Variants in SPATA31D3 observed in about 807,000 individuals in gnomAD.
The protein encoded by SPATA31D3 is SPATA31 subfamily D member 3.
For synonymous variants in SPATA31D3, 27 were observed against 107.8 expected (o/e 0.25, Z 4.65); for missense variants, 91 against 297.9 (o/e 0.31, Z 5.11).
rs1258655664 is a variant in SPATA31D3, at chr9:81,948,147, G to A, written c.*140G>A. The A allele has an allele frequency of 9.2e-6, 13 of 1,416,768 alleles. No homozygotes were observed. The highest frequency in any genetic ancestry group is 1.3e-5 in the South Asian group (1 of 77,158). 87.8% of individuals were successfully genotyped at this position (1,416,768 alleles called of 1,614,324 possible). A position where few individuals can be genotyped will look rare whatever the true frequency, so the allele number is the denominator to read the frequency against. On this transcript the variant is annotated 3_prime_UTR_variant, in exon 4 of 4. Coordinates refer to ENST00000445385, the MANE Select transcript of SPATA31D3 (RefSeq NM_207416.3). ...TTTCTCAGGGAGATTCCAAAGATGG[G>A]GTCTCTAAGTCTTGTAGACGAAGCA...
chr9:81,949,791 C>A lies in SPATA31D3; in HGVS notation c.*1784C>A. On this transcript the variant is annotated 3_prime_UTR_variant, in exon 4 of 4. Coordinates refer to ENST00000445385, the MANE Select transcript of SPATA31D3 (RefSeq NM_207416.3). ...CTGCAATGATTAGACAGATCATAGA[C>A]AAGGACAGATAGCCCCAGGAAGTTG... 7.7e-7 allele frequency: 1 copy of A among 1,304,560 alleles called. No homozygotes were observed. The highest frequency in any genetic ancestry group is 1.1e-6 in the Non-Finnish European group (1 of 904,284). 80.8% of individuals were successfully genotyped at this position (1,304,560 alleles called of 1,614,324 possible).
At position 81,947,645 on chromosome 9, in the gene SPATA31D3, T is replaced by G. The variant is rs1823910990; in HGVS notation, c.2392T>G (p.Ser798Ala). 6.3e-7 allele frequency: 1 copy of G among 1,577,652 alleles called. No homozygotes were observed. The highest frequency in any genetic ancestry group is 1.4e-5 in the African/African-American group (1 of 69,602). The stretch of plus-strand genomic sequence containing the variant: ...TTCAGAGGAGGATCTGAGGTCTAAC[T>G]CTGAGAGAGACCTAGGAACTCATAT... ...TSSEEDLRSN[S>A]ERDLGTHMMH... is the part of the protein sequence containing the mutation. The change falls in exon 4 of 4, where the codon TCT becomes GCT. Residue 798 changes from serine to alanine, a missense_variant. Coordinates refer to ENST00000445385, the MANE Select transcript of SPATA31D3 (RefSeq NM_207416.3).
At chr9:81,945,273 CT>C (rs769927001) in intron 3 of SPATA31D3, 41 bp downstream of exon 3, 81 of 92,142 alleles carry the variant, frequency 8.8e-4, no homozygotes, top group Non-Finnish European at 1.2e-3. Context: ...CCACCGCCTT[CT>C]TTTTTTTTTT....
At chr9:81,945,411 G>A (rs1823881611) in intron 3 of SPATA31D3, 136 bp from the exon 4 acceptor site, 3 of 247,728 alleles carry the variant, frequency 1.2e-5, no homozygotes, top group Admixed American at 1.7e-4. Context: ...ATGCTTTGAG[G>A]AGAGGCTATA....
rs1294703957 is a variant in SPATA31D3 at position 81,949,341 on chromosome 9, T to C, written c.*1334T>C. ...CCCCAACCTTGAAAACACAGCCTCC[T>C]CCTGAAAACCTTTTCGGAACATTGA... On this transcript the variant is annotated 3_prime_UTR_variant, in exon 4 of 4. Transcript: ENST00000445385. The C allele has an allele frequency of 5.5e-6, 2 of 362,972 alleles. No individual in the cohort carries two copies. Among genetic ancestry groups the C allele is most frequent in the Middle Eastern group, 3.7e-4 (1 of 2,708 alleles). 22.5% of individuals were successfully genotyped at this position (362,972 alleles called of 1,614,324 possible).
chr9:81,945,573 C>T lies in SPATA31D3; in HGVS notation c.320C>T (p.Pro107Leu). The T allele has an allele frequency of 7.1e-6, 1 of 140,100 alleles. No homozygotes were observed. The highest frequency in any genetic ancestry group is 1.4e-4 in the South Asian group (1 of 7,010). 8.7% of individuals were successfully genotyped at this position (140,100 alleles called of 1,614,324 possible). The change falls in exon 4 of 4, where the codon CCC (proline) becomes CTC (leucine). Residue 107 changes from proline to leucine, a missense_variant. Transcript: ENST00000445385. ...TTTGGACCTCCTGTTTCCTGCAGTC[C>T]CCTGGGCCAGCATCATGATACCACC... ...KSFGPPVSCSPLGQHHDTTLF... is the reference protein window; with the variant it reads ...KSFGPPVSCSLLGQHHDTTLF...
chr9:81,949,444 T>A lies in SPATA31D3; in HGVS notation c.*1437T>A. 1 of 400,856 alleles carries A rather than the reference T, an allele frequency of 2.5e-6. No homozygotes were observed. Among genetic ancestry groups the A allele is most frequent in the Non-Finnish European group, 4.8e-6 (1 of 206,364 alleles). 24.8% of individuals were successfully genotyped at this position (400,856 alleles called of 1,614,324 possible). A position where few individuals can be genotyped will look rare whatever the true frequency, so the allele number is the denominator to read the frequency against. ...AGAAAGTTCCTAGGAAAAGGGTAGC[T>A]CCTTGTCATCATCTGTGCAGAATAG... On this transcript the variant is annotated 3_prime_UTR_variant, in exon 4 of 4. Transcript: ENST00000445385.
rs1462600008 is a variant in SPATA31D3 at position 81,949,753 on chromosome 9, G to A, written c.*1746G>A. The stretch of plus-strand genomic sequence containing the variant: ...TTGCAGCCAACAAGCTATCTTTGTC[G>A]GCCAGAATTATCCTGCAATGATTAG... On this transcript the variant is annotated 3_prime_UTR_variant, in exon 4 of 4. Transcript: ENST00000445385. The A allele has an allele frequency of 1.9e-5, 27 of 1,403,344 alleles. No individual in the cohort carries two copies. Among genetic ancestry groups the A allele is most frequent in the Non-Finnish European group, 2.3e-5 (23 of 993,180 alleles). 86.9% of individuals were successfully genotyped at this position (1,403,344 alleles called of 1,614,324 possible).
Position 81,947,676 on chromosome 9 carries a change from A to T in SPATA31D3, c.2423A>T (p.His808Leu). ...SERDLGTHMM[H>L]LSGNDSGVRL... is the part of the protein sequence containing the mutation. ...AGAGACCTAGGAACTCATATGATGCATCTGTCAGGGAATGATTCAGGGGTG... is the reference window on the plus strand; with the variant it reads ...AGAGACCTAGGAACTCATATGATGCTTCTGTCAGGGAATGATTCAGGGGTG... The change falls in exon 4 of 4, where the codon CAT becomes CTT. Residue 808 changes from histidine (H) to leucine (L), a missense_variant. Physicochemically the swap from His to Leu is moderately conservative, Grantham distance 99 (BLOSUM62 -3). Coordinates refer to ENST00000445385, the MANE Select transcript of SPATA31D3 (RefSeq NM_207416.3). 1 of 1,587,560 alleles carries T rather than the reference A, an allele frequency of 6.3e-7. No homozygotes were observed. The highest frequency in any genetic ancestry group is 8.6e-7 in the Non-Finnish European group (1 of 1,164,192).
chr9:81,945,422 G>T, intron 3 of SPATA31D3, 125 bp from the exon 4 acceptor site: 1 of 190,924 alleles, frequency 5.2e-6, no homozygotes, highest in African/African-American at 1.1e-4. Flanking sequence ...AGAGGCTATA[G>T]TGAGGTCATA....
rs1240662310 is a variant in SPATA31D3, at chr9:81,949,671, C to T, written c.*1664C>T. On this transcript the variant is annotated 3_prime_UTR_variant, in exon 4 of 4. Transcript: ENST00000445385. ...AACTGCAGGTCAGAGCAGAGCCTGT[C>T]CAGGGCTATCCCTGCAACTACATGG... The T allele has an allele frequency of 5.3e-5, 63 of 1,177,858 alleles. No homozygotes were observed. Among genetic ancestry groups the T allele is most frequent in the Non-Finnish European group, 7.2e-5 (57 of 791,010 alleles). 73.0% of individuals were successfully genotyped at this position (1,177,858 alleles called of 1,614,324 possible).
chr9:81,949,674 G>C lies in SPATA31D3; in HGVS notation c.*1667G>C, dbSNP rs1286070298. ...TGCAGGTCAGAGCAGAGCCTGTCCA[G>C]GGCTATCCCTGCAACTACATGGCTC... is the stretch of plus-strand genomic sequence containing the variant. On this transcript the variant is annotated 3_prime_UTR_variant, in exon 4 of 4. Coordinates refer to ENST00000445385, the MANE Select transcript of SPATA31D3 (RefSeq NM_207416.3). 4.1e-6 allele frequency: 5 copies of C among 1,207,806 alleles called. No individual in the cohort carries two copies. Among genetic ancestry groups the C allele is most frequent in the Admixed American group, 1.7e-5 (1 of 58,330 alleles). 74.8% of individuals were successfully genotyped at this position (1,207,806 alleles called of 1,614,324 possible).
chr9:81,948,604 A>G lies in SPATA31D3; in HGVS notation c.*597A>G, dbSNP rs1823946559. The G allele has an allele frequency of 2.7e-5, 2 of 72,966 alleles. No homozygotes were observed. Among genetic ancestry groups the G allele is most frequent in the Admixed American group, 4.6e-4 (2 of 4,360 alleles). 4.5% of individuals were successfully genotyped at this position (72,966 alleles called of 1,614,324 possible). ...ACAGACTGTACTTGCCAGTAGATGC[A>G]GTGCAGAGCTGCCCATACTGCAAGC... On this transcript the variant is annotated 3_prime_UTR_variant, in exon 4 of 4. Transcript: ENST00000445385.
rs1402687752 is a variant in SPATA31D3, at chr9:81,949,717, T to G, written c.*1710T>G. 5 of 1,407,940 alleles carry G rather than the reference T, an allele frequency of 3.6e-6. No individual in the cohort carries two copies. The East Asian group carries it at 1.1e-4, about 32-fold the overall frequency. The allele number at this position is 1,407,940 out of a possible 1,614,324, so 87.2% of individuals were successfully genotyped here. On this transcript the variant is annotated 3_prime_UTR_variant, in exon 4 of 4. Coordinates refer to ENST00000445385, the MANE Select transcript of SPATA31D3 (RefSeq NM_207416.3). ...CATGGCTCCCTCCTGCAAAGTGACA[T>G]GTACCAAATCTTGCAGCCAACAAGC...
In SPATA31D3 at chr9:81,948,120, T is replaced by C; in HGVS notation, c.*113T>C. 6 of 1,394,870 alleles carry C rather than the reference T, an allele frequency of 4.3e-6. No homozygotes were observed. The highest frequency in any genetic ancestry group is 5.8e-6 in the Non-Finnish European group (6 of 1,033,706). 86.4% of individuals were successfully genotyped at this position (1,394,870 alleles called of 1,614,324 possible). ...TCTACCTTCCCTCCTCAGCCAGCTT[T>C]ATTTCTCAGGGAGATTCCAAAGATG... On this transcript the variant is annotated 3_prime_UTR_variant, in exon 4 of 4. Coordinates refer to ENST00000445385, the MANE Select transcript of SPATA31D3 (RefSeq NM_207416.3).
rs751176166 is a variant in SPATA31D3, at chr9:81,948,013, C to T, written c.*6C>T. 1.1e-5 allele frequency: 17 copies of T among 1,588,208 alleles called. No individual in the cohort carries two copies. The highest frequency in any genetic ancestry group is 1.7e-4 in the Middle Eastern group (1 of 5,988). On this transcript the variant is annotated 3_prime_UTR_variant, in exon 4 of 4. Transcript: ENST00000445385. ...TATTAAATCTTTCCATATGAGGATG[C>T]TGTGGGGCCTTCCCCGCAAGATCCG...
Position 81,949,690 on chromosome 9 carries a change from T to C in SPATA31D3, c.*1683T>C. The stretch of plus-strand genomic sequence containing the variant: ...GCCTGTCCAGGGCTATCCCTGCAAC[T>C]ACATGGCTCCCTCCTGCAAAGTGAC... On this transcript the variant is annotated 3_prime_UTR_variant, in exon 4 of 4. Coordinates refer to ENST00000445385, the MANE Select transcript of SPATA31D3 (RefSeq NM_207416.3). 7.4e-7 allele frequency: 1 copy of C among 1,355,974 alleles called. No homozygotes were observed. Among genetic ancestry groups the C allele is most frequent in the Admixed American group, 1.7e-5 (1 of 58,982 alleles). 84.0% of individuals were successfully genotyped at this position (1,355,974 alleles called of 1,614,324 possible).
chr9:81,949,322 C>G lies in SPATA31D3; in HGVS notation c.*1315C>G, dbSNP rs1340187029. 1.6e-5 allele frequency: 6 copies of G among 373,974 alleles called. No individual in the cohort carries two copies. Among genetic ancestry groups the G allele is most frequent in the African/African-American group, 1.2e-4 (6 of 48,036 alleles). The allele number at this position is 373,974 out of a possible 1,614,324, so 23.2% of individuals were successfully genotyped here. ...TCGCTTGGGAGCAAATCTTCCCCAA[C>G]CTTGAAAACACAGCCTCCTCCTGAA... On this transcript the variant is annotated 3_prime_UTR_variant, in exon 4 of 4. Coordinates refer to ENST00000445385, the MANE Select transcript of SPATA31D3 (RefSeq NM_207416.3).
chr9:81,949,828 G>A lies in SPATA31D3; in HGVS notation c.*1821G>A. On this transcript the variant is annotated 3_prime_UTR_variant, in exon 4 of 4. Coordinates refer to ENST00000445385, the MANE Select transcript of SPATA31D3 (RefSeq NM_207416.3). Reference sequence around the variant, plus strand: ...GCCCCAGGAAGTTGGACATTTAAGGGGAAGATATTGTGTCAAAGGCATCCC... The same window carrying A: ...GCCCCAGGAAGTTGGACATTTAAGGAGAAGATATTGTGTCAAAGGCATCCC... The A allele has an allele frequency of 9.1e-7, 1 of 1,098,926 alleles. No individual in the cohort carries two copies. The highest frequency in any genetic ancestry group is 1.8e-5 in the Admixed American group (1 of 56,070). The allele number at this position is 1,098,926 out of a possible 1,614,324, so 68.1% of individuals were successfully genotyped here. A position where few individuals can be genotyped will look rare whatever the true frequency, so the allele number is the denominator to read the frequency against.
Sources: gnomAD v4.1 joint callset for allele counts on GRCh38, gnomAD v4.1.1 for gene constraint, MANE v1.5 for transcripts, NCBI Gene and HGNC (gene_info 2026-07-23, HGNC 2026-07-21) for gene names.